CLSTN2: variants seen among roughly 807,000 people sequenced by gnomAD.
The protein encoded by CLSTN2 is calsyntenin-2.
In CLSTN2, 48 loss-of-function variants were observed where a neutral mutation model predicts 101.2. That is an observed-to-expected ratio of 0.47 (90% CI 0.38 to 0.60). The LOEUF (loss-of-function observed/expected upper bound fraction) is 0.60. Ranked by LOEUF, CLSTN2 falls within the 20% of genes least tolerant of loss-of-function variation. The probability of loss-of-function intolerance (pLI) is 0.00; values close to 1 mark genes in which losing one functional copy is unlikely to be tolerated. For missense variants in CLSTN2, 1,160 were observed against 1,238.2 expected, an observed-to-expected ratio of 0.94 and a Z score of 0.95; for synonymous variants, 481 against 463.6, an observed-to-expected ratio of 1.04 and a Z score of -0.48.
chr3:140,236,241 C>G (rs185483945), intron 2 of CLSTN2, among the ~76,000 whole-genome samples: 1 of 152,234 alleles, frequency 6.6e-6, no homozygotes, highest in East Asian at 1.9e-4. Flanking sequence ...TCTTTTAAAC[C>G]TTAACATAGC....
At chr3:139,999,591 T>C (rs2006774235) in intron 1 of CLSTN2, among the ~76,000 whole-genome samples, 1 of 152,158 alleles carries the variant, frequency 6.6e-6, no homozygotes, top group Non-Finnish European at 1.5e-5. Context: ...CTCAGAGGGA[T>C]CTCAGGTTTT....
At chr3:140,182,762 A>G (rs986107999) in intron 2 of CLSTN2, among the ~76,000 whole-genome samples, 12 of 152,150 alleles carry the variant, frequency 7.9e-5, no homozygotes, top group Non-Finnish European at 1.8e-4. Flanking sequence ...GTACTTCTCC[A>G]TCATATTCTG....
At chr3:140,118,780 G>A (rs947456319) in intron 1 of CLSTN2, among the ~76,000 whole-genome samples, 39 of 152,252 alleles carry the variant, frequency 2.6e-4, no homozygotes, top group African/African-American at 9.1e-4. Flanking sequence ...TTGGAATATG[G>A]ATGACATGTT....
chr3:140,292,256 C>T (rs1046392946), intron 2 of CLSTN2, among the ~76,000 whole-genome samples: 3 of 152,220 alleles, frequency 2.0e-5, no homozygotes, highest in Non-Finnish European at 2.9e-5. Flanking sequence ...GCTCCTCCTC[C>T]TGGGAGCTGT....
intron 2 of CLSTN2, among the ~76,000 whole-genome samples, chr3:140,255,470 T>TA (rs1460320402): frequency 6.6e-6 from 1 of 152,006 alleles, no homozygotes; most frequent in Non-Finnish European, 1.5e-5. Context: ...TTCACAGACA[T>TA]AAAAAACGAC....
At chr3:140,294,216 C>T (rs1212881963) in intron 2 of CLSTN2, among the ~76,000 whole-genome samples, 1 of 152,174 alleles carries the variant, frequency 6.6e-6, no homozygotes, top group Non-Finnish European at 1.5e-5. Flanking sequence ...GCTTGTCAAG[C>T]TGGCAAATAG....
At chr3:140,442,345 A>G (rs1932946606) in intron 5 of CLSTN2, among the ~76,000 whole-genome samples, 1 of 152,078 alleles carries the variant, frequency 6.6e-6, no homozygotes, top group Non-Finnish European at 1.5e-5. Context: ...AGCTGACTGG[A>G]ATTATTCAAA....
chr3:140,269,404 G>C (rs756198785), intron 2 of CLSTN2, among the ~76,000 whole-genome samples: 1 of 152,190 alleles, frequency 6.6e-6, no homozygotes, highest in African/African-American at 2.4e-5. Context: ...CTCCTGGCAC[G>C]ATGGTGCCTG....
intron 2 of CLSTN2, among the ~76,000 whole-genome samples, chr3:140,186,977 C>CT (rs149986443): frequency 0.019 from 2,832 of 152,232 alleles, 96 homozygotes; most frequent in African/African-American, 0.065. Context: ...GAGCAAATGG[C>CT]TTTTTTTCTA....
chr3:140,466,477 T>C (rs1167787600), intron 7 of CLSTN2, 133 bp from the exon 8 acceptor site: 3 of 1,010,188 alleles, frequency 3.0e-6, no homozygotes, highest in Non-Finnish European at 4.5e-6. Context: ...TCAGAGCCTG[T>C]TGTAAATGAG....
intron 2 of CLSTN2, among the ~76,000 whole-genome samples, chr3:140,326,040 C>T (rs1161700470): frequency 6.6e-6 from 1 of 152,104 alleles, no homozygotes; most frequent in Non-Finnish European, 1.5e-5. Context: ...TTTCACACTC[C>T]TACCCCACAA....
intron 2 of CLSTN2, among the ~76,000 whole-genome samples, chr3:140,296,900 G>C (rs565422080): frequency 7.9e-5 from 12 of 152,336 alleles, no homozygotes; most frequent in Admixed American, 1.3e-4. Flanking sequence ...ACAAGAACGA[G>C]CTGGGGCTAA....
intron 2 of CLSTN2, among the ~76,000 whole-genome samples, chr3:140,177,419 A>G (rs2010341297): frequency 6.6e-6 from 1 of 152,160 alleles, no homozygotes; most frequent in African/African-American, 2.4e-5. Flanking sequence ...ATTATCAGCA[A>G]CCTCCGGAAA....
chr3:140,369,427 T>C (rs2087826604), intron 2 of CLSTN2, among the ~76,000 whole-genome samples: 1 of 152,148 alleles, frequency 6.6e-6, no homozygotes, highest in African/African-American at 2.4e-5. Context: ...GCCCCTAACA[T>C]CACAAATTAA....
intron 8 of CLSTN2, among the ~76,000 whole-genome samples, chr3:140,496,560 G>A (rs561475308): frequency 1.4e-4 from 21 of 152,298 alleles, no homozygotes; most frequent in South Asian, 1.0e-3. Context: ...AGGGGAATGC[G>A]TCCAGCTTTT....
At chr3:140,224,000 C>T (rs2086297894) in intron 2 of CLSTN2, among the ~76,000 whole-genome samples, 2 of 152,196 alleles carry the variant, frequency 1.3e-5, no homozygotes, top group African/African-American at 4.8e-5. Context: ...TGGAAGGCTG[C>T]ATCCAGAGGT....
At chr3:140,280,849 T>C (rs1405115517) in intron 2 of CLSTN2, among the ~76,000 whole-genome samples, 1 of 152,176 alleles carries the variant, frequency 6.6e-6, no homozygotes, top group Non-Finnish European at 1.5e-5. Context: ...TGGGACTTTG[T>C]AAAATAAGGA....
chr3:140,482,497 T>A (rs1039451733), intron 8 of CLSTN2, among the ~76,000 whole-genome samples: 3 of 152,164 alleles, frequency 2.0e-5, no homozygotes, highest in African/African-American at 7.2e-5. Flanking sequence ...TTCTATTGAT[T>A]GGAAGTTTCA....
At chr3:140,335,859 G>A (rs934138840) in intron 2 of CLSTN2, among the ~76,000 whole-genome samples, 1 of 152,186 alleles carries the variant, frequency 6.6e-6, no homozygotes, top group African/African-American at 2.4e-5. Flanking sequence ...GTGGCTGTGT[G>A]CATGTGTATG....
Sources: gnomAD v4.1 joint callset for allele counts (sites outside exome capture counted in the v4.1 genomes callset) on GRCh38, gnomAD v4.1.1 for gene constraint, MANE v1.5 for transcripts, NCBI Gene and HGNC (gene_info 2026-07-23, HGNC 2026-07-21) for gene names.